The following ADGRG4 variants were observed in gnomAD, a reference collection of about 807,000 sequenced individuals.
The protein encoded by ADGRG4 is G protein-coupled receptor 112.
A neutral mutation model predicts 126.2 loss-of-function variants in ADGRG4; 122 were observed. The ratio of observed to expected loss-of-function variants is 0.97; its 90% confidence interval spans 0.83 to 1.12. The LOEUF is 1.12. ADGRG4 is among the 50% of genes most tolerant of loss of function. The probability of loss-of-function intolerance (pLI) is 0.00; values close to 1 mark genes in which losing one functional copy is unlikely to be tolerated. For synonymous variants in ADGRG4, 943 were observed against 838.7 expected, an observed-to-expected ratio of 1.12 and a Z score of -2.15; for missense variants, 2,481 against 2,251.8, an observed-to-expected ratio of 1.10 and a Z score of -2.06.
At chrX:136,409,196 T>C (rs1434632140) in intron 23 of ADGRG4, among the ~76,000 whole-genome samples, 1 of 111,566 alleles carries the variant, frequency 9.0e-6, no homozygotes, top group Non-Finnish European at 1.9e-5. Flanking sequence ...GGGCGACCTG[T>C]GGTCAAGTGG....
At chrX:136,373,241 G>A (rs1184122171) in intron 15 of ADGRG4, among the ~76,000 whole-genome samples, 177 bp downstream of exon 15, 1 of 112,139 alleles carries the variant, frequency 8.9e-6, no homozygotes, top group African/African-American at 3.2e-5. Context: ...GTCTTGGTTG[G>A]AATGGTGTCT....
rs762650186 is a variant in ADGRG4, at chrX:136,348,590, T to A, written c.4884T>A (p.Ala1628=). 2 of 1,208,325 alleles carry A rather than the reference T, an allele frequency of 1.7e-6. No homozygotes were observed. Among genetic ancestry groups the A allele is most frequent in the African/African-American group, 3.5e-5 (2 of 56,870 alleles). ...ATSKNKMVSS[A]FTTEMIEAPS... is the part of the protein sequence containing the mutation. ...CAAAAAACAAAATGGTTTCCTCTGC[T>A]TTCACTACAGAAATGATAGAGGCAC... The change falls in exon 6 of 26, where the codon GCT becomes GCA. Residue 1628 remains alanine (A), a synonymous_variant. Transcript: ENST00000394143.
At chrX:136,366,558 G>T (rs771601396) in intron 13 of ADGRG4, among the ~76,000 whole-genome samples, 11 of 112,284 alleles carry the variant, frequency 9.8e-5, no homozygotes, top group Non-Finnish European at 2.1e-4. Flanking sequence ...AGAACAAAAG[G>T]TGTGGTTGTT....
intron 15 of ADGRG4, among the ~76,000 whole-genome samples, chrX:136,378,483 T>G (rs1309332981): frequency 9.0e-6 from 1 of 111,243 alleles, no homozygotes; most frequent in Non-Finnish European, 1.9e-5. Flanking sequence ...TTTATTTCTT[T>G]TTGGGGGCCT....
At chrX:136,328,709 G>A (rs1215232944) in intron 5 of ADGRG4, among the ~76,000 whole-genome samples, 2 of 111,672 alleles carry the variant, frequency 1.8e-5, no homozygotes, top group African/African-American at 3.3e-5. Context: ...GGATTATATG[G>A]TCTATGTCCT....
chrX:136,346,409 T>G lies in ADGRG4; in HGVS notation c.2703T>G (p.Thr901=). ...TAAGTACCCCATTGGATAATAAAACTGCAACAACTGAGGTGAGAGAAAGTT... is the reference window on the plus strand; with the variant it reads ...TAAGTACCCCATTGGATAATAAAACGGCAACAACTGAGGTGAGAGAAAGTT... ...EKLSTPLDNK[T]ATTEVRESWL... The change falls in exon 6 of 26, where the codon ACT becomes ACG. Residue 901 remains threonine (T), a synonymous_variant. Coordinates refer to ENST00000394143, the MANE Select transcript of ADGRG4 (RefSeq NM_153834.4). 4.1e-6 allele frequency: 5 copies of G among 1,210,700 alleles called. No homozygotes were observed. The highest frequency in any genetic ancestry group is 5.6e-6 in the Non-Finnish European group (5 of 894,725).
intron 5 of ADGRG4, among the ~76,000 whole-genome samples, chrX:136,337,622 T>C (rs1282156537): frequency 8.9e-6 from 1 of 112,515 alleles, no homozygotes; most frequent in East Asian, 2.8e-4. Flanking sequence ...TTGAAAAATA[T>C]TATGACAGCT....
rs1324935348 is a variant in ADGRG4, at chrX:136,344,389, T to C, written c.686-3T>C. ...AATAACACATTCTTTCTGATTTTTT[T>C]AGTTGTTCCTGAAAATATGACAATT... On this transcript the variant is annotated splice_polypyrimidine_tract_variant and splice_region_variant and intron_variant, in intron 5 of 25. Transcript: ENST00000394143. 2 of 1,127,638 alleles carry C rather than the reference T, an allele frequency of 1.8e-6. No individual in the cohort carries two copies. Among genetic ancestry groups the C allele is most frequent in the South Asian group, 2.2e-5 (1 of 46,397 alleles). The allele number at this position is 1,127,638 out of a possible 1,213,427, so 92.9% of individuals were successfully genotyped here. A position where few individuals can be genotyped will look rare whatever the true frequency, so the allele number is the denominator to read the frequency against.
At position 136,346,160 on chromosome X, in the gene ADGRG4, A is replaced by G. The variant is rs1398869796; in HGVS notation, c.2454A>G (p.Val818=). Residue 818 remains valine, a synonymous_variant, in exon 6 of 26, where the codon GTA becomes GTG. Transcript: ENST00000394143. ...AAACAGAAATAAATGGTGCAATTGTATTTGGAGGTACAACGACCCCTGTAC... is the reference window on the plus strand; with the variant it reads ...AAACAGAAATAAATGGTGCAATTGTGTTTGGAGGTACAACGACCCCTGTAC... ...TTQTEINGAI[V]FGGTTTPVPK... 5.8e-6 allele frequency: 7 copies of G among 1,206,467 alleles called. No individual in the cohort carries two copies. The highest frequency in any genetic ancestry group is 7.8e-6 in the Non-Finnish European group (7 of 893,136).
At chrX:136,409,433 A>G (rs1293053508) in intron 23 of ADGRG4, among the ~76,000 whole-genome samples, 6 of 111,499 alleles carry the variant, frequency 5.4e-5, no homozygotes, top group Non-Finnish European at 1.1e-4. Context: ...ACTAAACTCC[A>G]TGCAAGAAAT....
chrX:136,334,879 A>T (rs976154939), intron 5 of ADGRG4, among the ~76,000 whole-genome samples: 47 of 110,397 alleles, frequency 4.3e-4, no homozygotes, highest in South Asian at 1.2e-3. Context: ...GCCTTAAAAA[A>T]TTTTTTTTTG....
Position 136,347,916 on chromosome X carries a change from A to T in ADGRG4, c.4210A>T (p.Thr1404Ser). The T allele has an allele frequency of 8.3e-7, 1 of 1,208,559 alleles. No homozygotes were observed. Among genetic ancestry groups the T allele is most frequent in the Non-Finnish European group, 1.1e-6 (1 of 892,729 alleles). ...AATGATAGTAAACTCCACCTATGTG[A>T]CTCACTCTGTCTCATATGGCCAGGA... ...VEMIVNSTYV[T>S]HSVSYGQDTS... Residue 1404 changes from threonine to serine, a missense_variant, in exon 6 of 26, where the codon ACT (threonine) becomes TCT (serine). Physicochemically the swap from Thr to Ser is moderately conservative, Grantham distance 58. Coordinates refer to ENST00000394143, the MANE Select transcript of ADGRG4 (RefSeq NM_153834.4).
chrX:136,371,007 A>G (rs1214212082), intron 13 of ADGRG4, among the ~76,000 whole-genome samples: 2 of 111,651 alleles, frequency 1.8e-5, no homozygotes, highest in East Asian at 5.5e-4. Flanking sequence ...GATCTACTTA[A>G]CACAATCCAA....
chrX:136,404,937 G>A (rs1172912637), intron 22 of ADGRG4, among the ~76,000 whole-genome samples: 1 of 112,348 alleles, frequency 8.9e-6, no homozygotes, highest in Non-Finnish European at 1.9e-5. Flanking sequence ...GCTCAGCTAA[G>A]TTGACACACA....
intron 8 of ADGRG4, among the ~76,000 whole-genome samples, chrX:136,354,507 C>T (rs1467737672): frequency 7.2e-5 from 8 of 111,486 alleles, no homozygotes; most frequent in East Asian, 2.8e-4. Flanking sequence ...AAGACTTCTA[C>T]GACCAAACGT....
intron 15 of ADGRG4, among the ~76,000 whole-genome samples, chrX:136,378,551 C>T: frequency 9.0e-6 from 1 of 111,102 alleles, no homozygotes. Context: ...AAGTGGGCAT[C>T]CTTGTCTTAT....
At chrX:136,366,881 T>C (rs996173897) in intron 13 of ADGRG4, among the ~76,000 whole-genome samples, 1 of 82,154 alleles carries the variant, frequency 1.2e-5, no homozygotes, top group African/African-American at 4.8e-5. Context: ...GCCCCAAAAA[T>C]TCATACGTTG....
Position 136,348,375 on chromosome X carries a change from G to A in ADGRG4, c.4669G>A (p.Gly1557Arg). ...CLKSPCTATS[G>R]PMSEMSSIPV... ...GAAAAGTCCCTGTACAGCCACTTCT[G>A]GGCCTATGTCTGAGATGTCCTCAAT... The change falls in exon 6 of 26, where the codon GGG becomes AGG. Residue 1557 changes from glycine (G) to arginine (R), a missense_variant. Gly to Arg is a moderately radical substitution (Grantham distance 125). Coordinates refer to ENST00000394143, the MANE Select transcript of ADGRG4 (RefSeq NM_153834.4). The A allele has an allele frequency of 8.3e-7, 1 of 1,210,390 alleles. No homozygotes were observed. Among genetic ancestry groups the A allele is most frequent in the Non-Finnish European group, 1.1e-6 (1 of 894,588 alleles).
chrX:136,370,081 G>A (rs778008466), intron 13 of ADGRG4, among the ~76,000 whole-genome samples: 1 of 111,555 alleles, frequency 9.0e-6, no homozygotes, highest in South Asian at 3.8e-4. Context: ...GATTTGAGGA[G>A]ATGCTGATAA....
Sources: allele counts gnomAD v4.1 joint callset (sites outside exome capture counted in the v4.1 genomes callset), GRCh38; gene constraint gnomAD v4.1.1; transcripts MANE v1.5; gene names NCBI Gene and HGNC (gene_info 2026-07-23, HGNC 2026-07-21).